The following COL27A1 variants were observed in gnomAD, a reference collection of about 807,000 sequenced individuals.
The protein encoded by COL27A1 is collagen type XXVII alpha 1 chain, also known as collagen alpha-1(XXVII) chain.
Under a neutral mutation model 251.3 loss-of-function variants are expected in COL27A1, and 106 were observed. The ratio of observed to expected loss-of-function variants is 0.42; its 90% CI spans 0.36 to 0.50. The LOEUF (loss-of-function observed/expected upper bound fraction) is 0.50. Ranked by LOEUF, COL27A1 falls within the 20% of genes least tolerant of loss-of-function variation. The pLI is 0.00. For synonymous variants in COL27A1, 1,000 were observed against 986.3 expected (o/e 1.01, Z -0.26); for missense variants, 2,325 against 2,522.8 (o/e 0.92, Z 1.68).
At chr9:114,192,642 C>T (rs1323026633) in intron 5 of COL27A1, among the ~76,000 whole-genome samples, 2 of 152,026 alleles carry the variant, frequency 1.3e-5, no homozygotes, top group East Asian at 1.9e-4. Context: ...CTCTTCCCTG[C>T]CAGGGAAGGC....
In COL27A1 at chr9:114,301,988, G is replaced by A; in HGVS notation, c.4846-94G>A. ...AGCAGAGGCCAGCTTGGCAGGTCCT[G>A]CATGCTTTGATGGTCTCCCTGGTCT... On this transcript the variant is annotated intron_variant, in intron 55 of 60. Transcript: ENST00000356083. 1.9e-5 allele frequency: 24 copies of A among 1,272,806 alleles called. No individual in the cohort carries two copies. The South Asian group carries it at 2.9e-4, about 15-fold the overall frequency. The allele number at this position is 1,272,806 out of a possible 1,614,324, so 78.8% of individuals were successfully genotyped here.
In COL27A1 at chr9:114,219,835, T is replaced by C. The variant is rs1830954692; in HGVS notation, c.2412T>C (p.Asp804=). The change falls in exon 13 of 61, where the codon GAT becomes GAC. Residue 804 remains aspartate (D), a synonymous_variant. Transcript: ENST00000356083. ...GGGAAAGAGGCCCTCCTGGACTGGA[T>C]GGAAATCCTGTGAGTATTTCAAGTC... ...VFGERGPPGL[D]GNPGELGLPG... is the part of the protein sequence containing the mutation. 6.2e-7 allele frequency: 1 copy of C among 1,609,868 alleles called. No individual in the cohort carries two copies. The highest frequency in any genetic ancestry group is 8.5e-7 in the Non-Finnish European group (1 of 1,176,214).
intron 1 of COL27A1, among the ~76,000 whole-genome samples, chr9:114,157,106 A>ACGCGCG (rs1554782456): frequency 0.014 from 2,012 of 147,920 alleles, 38 homozygotes; most frequent in East Asian, 0.066. Flanking sequence ...ACACACACAT[A>ACGCGCG]CGCGCGCGCG....
chr9:114,217,893 C>G (rs1264368575), intron 12 of COL27A1: 1 of 459,504 alleles, frequency 2.2e-6, no homozygotes, highest in East Asian at 7.0e-5. Flanking sequence ...GCAGGCAGAT[C>G]GCTTGAGCCC....
At chr9:114,183,208 C>T in intron 5 of COL27A1, 133 bp downstream of exon 5, 1 of 790,406 alleles carries the variant, frequency 1.3e-6, no homozygotes, top group East Asian at 2.5e-5. Context: ...CCAGGGGCAC[C>T]CTCTGGGCCC....
chr9:114,223,945 G>A (rs1831287984), intron 14 of COL27A1, among the ~76,000 whole-genome samples: 1 of 152,198 alleles, frequency 6.6e-6, no homozygotes, highest in Admixed American at 6.5e-5. Context: ...ACACCTGGTA[G>A]CAGCTATCCG....
At chr9:114,307,556 T>A in intron 58 of COL27A1, 113 bp from the exon 59 acceptor site, 1 of 759,372 alleles carries the variant, frequency 1.3e-6, no homozygotes, top group Non-Finnish European at 2.4e-6. Context: ...CCACCCTGAC[T>A]TCATGCTCAC....
At position 114,300,646 on chromosome 9, in the gene COL27A1, T is replaced by C; in HGVS notation, c.4660T>C (p.Phe1554Leu). ...ACAGGGCCCGCCTGGAGACATTGGCTTCAAAGGCATCCAGGGCCCTCGGGG... is the reference window on the plus strand; with the variant it reads ...ACAGGGCCCGCCTGGAGACATTGGCCTCAAAGGCATCCAGGGCCCTCGGGG... Reference protein sequence around the residue: ...GPKGPPGDIGFKGIQGPRGPP... With the variant: ...GPKGPPGDIGLKGIQGPRGPP... The change falls in exon 51 of 61, where the codon TTC (phenylalanine) becomes CTC (leucine). Residue 1554 changes from phenylalanine (F) to leucine (L), a missense_variant. Phe to Leu is a conservative substitution (Grantham distance 22). This residue lies in a region of COL27A1 where 327 missense variants were observed against 442.8 expected (regional missense o/e 0.74). Transcript: ENST00000356083. 5.9e-6 allele frequency: 9 copies of C among 1,528,612 alleles called. No homozygotes were observed. The highest frequency in any genetic ancestry group is 7.9e-6 in the Non-Finnish European group (9 of 1,141,690). 94.7% of individuals were successfully genotyped at this position (1,528,612 alleles called of 1,614,324 possible).
intron 49 of COL27A1, among the ~76,000 whole-genome samples, chr9:114,298,040 C>T (rs779987957): frequency 4.0e-5 from 6 of 151,544 alleles, no homozygotes; most frequent in Non-Finnish European, 5.9e-5. Flanking sequence ...GTGGCATGTG[C>T]CTATAGTCCT....
intron 14 of COL27A1, among the ~76,000 whole-genome samples, chr9:114,230,771 A>G (rs2135429108): frequency 6.6e-6 from 1 of 152,320 alleles, no homozygotes; most frequent in East Asian, 1.9e-4. Context: ...AGTCAAATGA[A>G]AAGCCCTTTA....
At chr9:114,230,298 G>C (rs1056395324) in intron 14 of COL27A1, among the ~76,000 whole-genome samples, 3 of 152,138 alleles carry the variant, frequency 2.0e-5, no homozygotes, top group African/African-American at 7.2e-5. Context: ...GGAGTTTGCA[G>C]ACGGCAGCTC....
At chr9:114,196,335 C>G (rs776876560) in intron 7 of COL27A1, among the ~76,000 whole-genome samples, 2 of 152,228 alleles carry the variant, frequency 1.3e-5, no homozygotes, top group Non-Finnish European at 2.9e-5. Flanking sequence ...GATGGAGTAA[C>G]CTGTGCTGGC....
chr9:114,157,391 C>G (rs1166128730), intron 1 of COL27A1, among the ~76,000 whole-genome samples: 1 of 152,224 alleles, frequency 6.6e-6, no homozygotes, highest in African/African-American at 2.4e-5. Flanking sequence ...TGCCTCTGCT[C>G]CTGGACCCTT....
At chr9:114,254,395 C>A (rs879584920) in intron 27 of COL27A1, among the ~76,000 whole-genome samples, 1 of 151,936 alleles carries the variant, frequency 6.6e-6, no homozygotes, top group African/African-American at 2.4e-5. Flanking sequence ...TGGGCTTGCT[C>A]TCATTTGGAG....
chr9:114,166,699 GC>G (rs1848914660), intron 2 of COL27A1, among the ~76,000 whole-genome samples: 1 of 152,226 alleles, frequency 6.6e-6, no homozygotes, highest in African/African-American at 2.4e-5. Context: ...GCCAACACTG[GC>G]AGCTCAGCTG....
At position 114,301,130 on chromosome 9, in the gene COL27A1, G is replaced by A. The variant is rs777500844; in HGVS notation, c.4755+5G>A. The A allele has an allele frequency of 5.0e-6, 8 of 1,613,850 alleles. No individual in the cohort carries two copies. The East Asian group carries it at 1.1e-4, about 22-fold the overall frequency. On this transcript the variant is annotated splice_donor_5th_base_variant and intron_variant, in intron 52 of 60. Transcript: ENST00000356083. ...CTGGGACCTTCGGGACTCCCGGTAT[G>A]TGTGGGGATTGGACAGGAAGACTCC...
intron 16 of COL27A1, among the ~76,000 whole-genome samples, chr9:114,234,236 T>G (rs890161457): frequency 8.7e-6 from 1 of 114,618 alleles, no homozygotes; most frequent in Non-Finnish European, 1.8e-5. Flanking sequence ...AAAAAAAAAG[T>G]CCTGTGGTTC....
chr9:114,206,171 A>C, intron 9 of COL27A1, 81 bp from the exon 10 acceptor site: 1 of 1,402,540 alleles, frequency 7.1e-7, no homozygotes, highest in Non-Finnish European at 1.0e-6. Context: ...CAGAGGCCCC[A>C]AAGAGGCAGG....
intron 16 of COL27A1, among the ~76,000 whole-genome samples, chr9:114,234,024 G>T (rs1409397365): frequency 6.6e-6 from 1 of 151,996 alleles, no homozygotes; most frequent in Non-Finnish European, 1.5e-5. Flanking sequence ...ACCCAGCCTG[G>T]ACTCAGTCCC....
Sources: gnomAD v4.1 joint callset for allele counts (sites outside exome capture counted in the v4.1 genomes callset) on GRCh38, gnomAD v4.1.1 for gene constraint, gnomAD v4.1.1 regional missense constraint, MANE v1.5 for transcripts, NCBI Gene and HGNC (gene_info 2026-07-23, HGNC 2026-07-21) for gene names.